Variants in FHOD3 observed in about 807,000 individuals in gnomAD.
FHOD3 encodes FH1/FH2 domain-containing protein 3.
A neutral mutation model predicts 173.0 loss-of-function variants in FHOD3; 90 were observed. The observed-to-expected ratio is 0.52, with a 90% CI of 0.44 to 0.62. FHOD3 has a LOEUF of 0.62. FHOD3 is among the 20% of genes least tolerant of loss of function. The pLI is 0.00. For missense variants in FHOD3, 1,945 were observed against 2,034.7 expected (o/e 0.96, Z 0.85); for synonymous variants, 828 against 823.0 (o/e 1.01, Z -0.10).
At chr18:36,535,251 C>T (rs2056949448) in intron 5 of FHOD3, among the ~76,000 whole-genome samples, 1 of 152,158 alleles carries the variant, frequency 6.6e-6, no homozygotes, top group Non-Finnish European at 1.5e-5. Context: ...TCTAGACTGA[C>T]AGTGTCATCC....
At chr18:36,587,772 G>A (rs1426792986) in intron 6 of FHOD3, among the ~76,000 whole-genome samples, 3 of 151,544 alleles carry the variant, frequency 2.0e-5, no homozygotes, top group Non-Finnish European at 2.9e-5. Context: ...GCCTGGTGCT[G>A]GAAAAAAAAA....
intron 4 of FHOD3, among the ~76,000 whole-genome samples, chr18:36,512,096 T>A (rs559540032): frequency 1.3e-5 from 2 of 152,376 alleles, no homozygotes; most frequent in South Asian, 4.1e-4. Context: ...AGCAAGCTTC[T>A]CCGTGGCCAG....
At chr18:36,391,999 G>T (rs2048323196) in intron 3 of FHOD3, among the ~76,000 whole-genome samples, 1 of 152,222 alleles carries the variant, frequency 6.6e-6, no homozygotes, top group Non-Finnish European at 1.5e-5. Context: ...GGCATGCTGT[G>T]CTCACCGCAC....
chr18:36,755,346 C>T (rs779280759), intron 25 of FHOD3, 35 bp downstream of exon 25: 11 of 1,305,234 alleles, frequency 8.4e-6, no homozygotes, highest in East Asian at 7.2e-5. Context: ...TTATGTCATT[C>T]GTTTTCAAAG....
At chr18:36,706,422 G>A (rs2039883030) in intron 17 of FHOD3, among the ~76,000 whole-genome samples, 1 of 152,156 alleles carries the variant, frequency 6.6e-6, no homozygotes, top group African/African-American at 2.4e-5. Context: ...CCACCCCAGT[G>A]GTTGAAATCA....
At chr18:36,738,513 C>T (rs1355907171) in intron 20 of FHOD3, among the ~76,000 whole-genome samples, 1 of 152,130 alleles carries the variant, frequency 6.6e-6, no homozygotes, top group Non-Finnish European at 1.5e-5. Flanking sequence ...AATTTTTTGC[C>T]TAACGTGGGT....
At position 36,718,118 on chromosome 18, in the gene FHOD3, T is replaced by C; in HGVS notation, c.2820T>C (p.Phe940=). 1 of 1,601,782 alleles carries C rather than the reference T, an allele frequency of 6.2e-7. No homozygotes were observed. Reference sequence around the variant, plus strand: ...ACAATCGGGGCAGTGTGAAAGCATTTGCTGAGAAATTCAACAGTGGGGACC... The same window carrying C: ...ACAATCGGGGCAGTGTGAAAGCATTCGCTGAGAAATTCAACAGTGGGGACC... ...CLDNRGSVKA[F]AEKFNSGDLG... is the part of the protein sequence containing the mutation. Residue 940 remains phenylalanine, a synonymous_variant, in exon 19 of 29, where the codon TTT becomes TTC. Coordinates refer to ENST00000590592, the MANE Select transcript of FHOD3 (RefSeq NM_001281740.3).
chr18:36,313,949 T>C (rs1482061688), intron 1 of FHOD3, among the ~76,000 whole-genome samples: 1 of 151,804 alleles, frequency 6.6e-6, no homozygotes, highest in Non-Finnish European at 1.5e-5. Context: ...GGTGGCATGA[T>C]CATGGTCACT....
chr18:36,350,979 GAAGC>G, intron 1 of FHOD3, among the ~76,000 whole-genome samples: 1 of 152,128 alleles, frequency 6.6e-6, no homozygotes, highest in East Asian at 1.9e-4. Context: ...GTCCAGCCAA[GAAGC>G]ACTGTGTTCT....
Position 36,718,066 on chromosome 18 carries a change from T to G in FHOD3, c.2768T>G (p.Val923Gly). ...QANSQTQDES[V>G]RRVDVGCLDN... Reference sequence around the variant, plus strand: ...AACTCTCAGACCCAGGATGAGAGTGTCAGGAGGGTGGATGTCGGCTGTTTG... The same window carrying G: ...AACTCTCAGACCCAGGATGAGAGTGGCAGGAGGGTGGATGTCGGCTGTTTG... The change falls in exon 19 of 29, where the codon GTC becomes GGC. Residue 923 changes from valine (V) to glycine (G), a missense_variant. Val to Gly is a moderately radical substitution (Grantham distance 109). Transcript: ENST00000590592. 6.3e-7 allele frequency: 1 copy of G among 1,599,346 alleles called. No individual in the cohort carries two copies. The highest frequency in any genetic ancestry group is 8.5e-7 in the Non-Finnish European group (1 of 1,171,964).
intron 17 of FHOD3, among the ~76,000 whole-genome samples, chr18:36,699,465 G>A (rs1456586846): frequency 6.6e-6 from 1 of 152,220 alleles, no homozygotes; most frequent in Non-Finnish European, 1.5e-5. Flanking sequence ...TTCAGGTGCA[G>A]TCAGGAGGCT....
At chr18:36,373,676 G>A (rs959197779) in intron 3 of FHOD3, among the ~76,000 whole-genome samples, 1 of 152,218 alleles carries the variant, frequency 6.6e-6, no homozygotes, top group Non-Finnish European at 1.5e-5. Context: ...AAACTTCAGG[G>A]ACTGAAAGGT....
At chr18:36,638,715 T>C (rs2148946239) in intron 10 of FHOD3, among the ~76,000 whole-genome samples, 1 of 152,202 alleles carries the variant, frequency 6.6e-6, no homozygotes, top group East Asian at 1.9e-4. Flanking sequence ...CCTTTTAAAA[T>C]AATATGCCTT....
intron 16 of FHOD3, among the ~76,000 whole-genome samples, chr18:36,688,655 T>C (rs555804738): frequency 6.6e-6 from 1 of 152,314 alleles, no homozygotes; most frequent in Non-Finnish European, 1.5e-5. Flanking sequence ...GAACTAAATT[T>C]TATTATTTTA....
intron 1 of FHOD3, 103 bp downstream of exon 1, chr18:36,298,103 G>A: frequency 1.8e-6 from 2 of 1,091,764 alleles, no homozygotes; most frequent in Non-Finnish European, 2.4e-6. Flanking sequence ...GGCTGGGCTG[G>A]GCGCGGCCCG....
intron 14 of FHOD3, among the ~76,000 whole-genome samples, chr18:36,674,923 C>T (rs987835975): frequency 6.6e-6 from 1 of 152,162 alleles, no homozygotes. Context: ...CTTCCAGTAA[C>T]ATTTTTTTCC....
intron 5 of FHOD3, among the ~76,000 whole-genome samples, chr18:36,532,311 TTTAGGAA>T (rs2056818284): frequency 1.3e-5 from 2 of 152,282 alleles, no homozygotes; most frequent in African/African-American, 4.8e-5. Context: ...GGTCTGTGTG[TTTAGGAA>T]ACTCCAGGAC....
intron 1 of FHOD3, among the ~76,000 whole-genome samples, chr18:36,349,665 C>T (rs1825924465): frequency 6.6e-6 from 1 of 152,198 alleles, no homozygotes; most frequent in Non-Finnish European, 1.5e-5. Context: ...TAAGCTACCC[C>T]AGTAACATGC....
At chr18:36,702,287 G>A (rs534573980) in intron 17 of FHOD3, among the ~76,000 whole-genome samples, 3 of 152,186 alleles carry the variant, frequency 2.0e-5, no homozygotes, top group Non-Finnish European at 4.4e-5. Context: ...TCATGAGACA[G>A]TCTCCCAGAA....
Sources: allele counts gnomAD v4.1 joint callset (sites outside exome capture counted in the v4.1 genomes callset), GRCh38; gene constraint gnomAD v4.1.1; transcripts MANE v1.5; gene names NCBI Gene and HGNC (gene_info 2026-07-23, HGNC 2026-07-21).